The following ETV1 variants were observed in gnomAD, a reference collection of about 807,000 sequenced individuals.
ETV1 encodes the protein ETS variant transcription factor 1, also known as ETS translocation variant 1.
Under a neutral mutation model 62.3 loss-of-function variants are expected in ETV1, and 27 were observed. That is an observed-to-expected ratio of 0.43 (90% CI 0.32 to 0.60). The LOEUF (loss-of-function observed/expected upper bound fraction) is 0.60. ETV1 is among the 20% of genes least tolerant of loss of function. The probability of loss-of-function intolerance (pLI) is 0.06; values close to 1 mark genes in which losing one functional copy is unlikely to be tolerated. For missense variants in ETV1, 605 were observed against 605.8 expected, an observed-to-expected ratio of 1.00 and a Z score of 0.01; for synonymous variants, 222 against 199.6, an observed-to-expected ratio of 1.11 and a Z score of -0.94.
At chr7:13,944,407 A>G (rs1220677845) in intron 6 of ETV1, among the ~76,000 whole-genome samples, 1 of 152,184 alleles carries the variant, frequency 6.6e-6, no homozygotes, top group Non-Finnish European at 1.5e-5. Context: ...AGAAATCACA[A>G]GTGAGCTCCC....
intron 5 of ETV1, among the ~76,000 whole-genome samples, 197 bp from the exon 6 acceptor site, chr7:13,977,677 CTAGGAACCATATATATGTCAGAAA>C (rs1781589498): frequency 6.6e-6 from 1 of 152,072 alleles, no homozygotes; most frequent in Non-Finnish European, 1.5e-5. Flanking sequence ...TTGATGTCAC[CTAGGAACCATATATATGTCAGAAA>C]TAGGATGATG....
At chr7:13,919,985 G>T (rs1203608129) in intron 9 of ETV1, among the ~76,000 whole-genome samples, 1 of 152,018 alleles carries the variant, frequency 6.6e-6, no homozygotes, top group African/African-American at 2.4e-5. Flanking sequence ...AAAAACAGTT[G>T]TATGTTCACT....
chr7:13,936,757 T>C (rs1193844409), intron 7 of ETV1, among the ~76,000 whole-genome samples: 1 of 152,170 alleles, frequency 6.6e-6, no homozygotes, highest in Non-Finnish European at 1.5e-5. Flanking sequence ...TGTATTTCAT[T>C]TTGCTGGGCG....
intron 13 of ETV1, among the ~76,000 whole-genome samples, chr7:13,898,730 T>C (rs556096946): frequency 6.6e-6 from 1 of 152,346 alleles, no homozygotes; most frequent in African/African-American, 2.4e-5. Context: ...TCCTACATGT[T>C]AAAATATATA....
rs1317933916 is a variant in ETV1 at position 13,989,298 on chromosome 7, AATTTAC to A, written c.-124_-119del. 21 of 493,702 alleles carry A rather than the reference AATTTAC, an allele frequency of 4.3e-5. 1 individual carries two copies. The highest frequency in any genetic ancestry group is 5.1e-4 in the Middle Eastern group (1 of 1,954). The allele number at this position is 493,702 out of a possible 1,614,324, so 30.6% of individuals were successfully genotyped here. A position where few individuals can be genotyped will look rare whatever the true frequency, so the allele number is the denominator to read the frequency against. On this transcript the variant is annotated 5_prime_UTR_variant, in exon 2 of 14. An upstream start codon of the reference 5' UTR is lost. Transcript: ENST00000430479. ...TCCAAAGAGAGCCAACAGAGTTCAC[AATTTAC>A]ATATTTTCGGTAGTAGCAAAAATCC...
chr7:13,901,822 C>T (rs1254209046), intron 12 of ETV1, among the ~76,000 whole-genome samples: 1 of 152,038 alleles, frequency 6.6e-6, no homozygotes, highest in Non-Finnish European at 1.5e-5. Flanking sequence ...TATGAGTCCA[C>T]AAACAAAAAT....
chr7:13,947,965 C>G, intron 6 of ETV1, among the ~76,000 whole-genome samples: 1 of 152,114 alleles, frequency 6.6e-6, no homozygotes, highest in Non-Finnish European at 1.5e-5. Context: ...GACTAATTCA[C>G]GTGTGTCAGA....
chr7:13,989,520 G>A (rs909716758), intron 1 of ETV1, 43 bp downstream of exon 1: 16 of 399,542 alleles, frequency 4.0e-5, no homozygotes, highest in Admixed American at 1.8e-4. Context: ...CCACAACCAT[G>A]CAATTATCTG....
chr7:13,945,724 G>GTATT (rs1208174824), intron 6 of ETV1, among the ~76,000 whole-genome samples: 1 of 152,148 alleles, frequency 6.6e-6, no homozygotes, highest in Admixed American at 6.5e-5. Context: ...AACGTGTTGG[G>GTATT]TATTTCATCA....
At position 13,935,800 on chromosome 7, in the gene ETV1, G is replaced by C. The variant is rs370603971; in HGVS notation, c.462C>G (p.Asn154Lys). The change falls in exon 8 of 14, where the codon AAC (asparagine) becomes AAG (lysine). Residue 154 changes from asparagine (N) to lysine (K), a missense_variant. Physicochemically the swap from Asn to Lys is moderately conservative, Grantham distance 94. Transcript: ENST00000430479. ...PVSPLHHASP[N>K]STHTPKPDRA... ...GGTCAGGTTTCGGTGTATGAGTTGA[G>C]TTTGGAGATGCATGATGCAGTGGGG... 67 of 1,613,886 alleles carry C rather than the reference G, an allele frequency of 4.2e-5. No homozygotes were observed. Among genetic ancestry groups the C allele is most frequent in the Non-Finnish European group, 5.5e-5 (65 of 1,179,884 alleles).
chr7:13,934,820 A>G (rs898905121), intron 8 of ETV1, among the ~76,000 whole-genome samples: 3 of 152,170 alleles, frequency 2.0e-5, no homozygotes, highest in African/African-American at 4.8e-5. Context: ...GTAGTGGGCC[A>G]TGAAAGCAAT....
intron 5 of ETV1, 81 bp from the exon 6 acceptor site, chr7:13,977,561 G>C: frequency 1.1e-6 from 1 of 938,782 alleles, no homozygotes; most frequent in Non-Finnish European, 1.7e-6. Flanking sequence ...AATCTGTCAA[G>C]TAAGATCTTC....
upstream of ETV1, chr7:13,989,791 T>A (rs1029658251): frequency 1.0e-5 from 4 of 393,648 alleles, no homozygotes. Context: ...GGGCTGTCAA[T>A]CAGGCGGCTT....
At chr7:13,948,443 CTT>C (rs910280676) in intron 6 of ETV1, among the ~76,000 whole-genome samples, 2 of 152,102 alleles carry the variant, frequency 1.3e-5, no homozygotes, top group African/African-American at 4.8e-5. Flanking sequence ...AAGACAGTCT[CTT>C]TATTTTGAGG....
chr7:13,988,262 A>G (rs954084330), intron 3 of ETV1, 89 bp from the exon 4 acceptor site: 4 of 771,756 alleles, frequency 5.2e-6, no homozygotes, highest in African/African-American at 1.7e-5. Flanking sequence ...ACACACAGAC[A>G]TGCATACATA....
Position 13,913,878 on chromosome 7 carries a change from C to CTTTTT in ETV1, c.803-2576_803-2572dup, listed in dbSNP as rs544899107. Reference sequence around the variant, plus strand: ...ATGCTTTAACTATTTGGGGGTACCTCTTTTTTTTTTTTTTTTTTTTTTTTG... The same window carrying CTTTTT: ...ATGCTTTAACTATTTGGGGGTACCTCTTTTTTTTTTTTTTTTTTTTTTTTTTTTTG... On this transcript the variant is annotated intron_variant, in intron 9 of 13. Transcript: ENST00000430479. Among the ~76,000 whole-genome samples, 320 of 87,972 alleles carry CTTTTT rather than the reference C, an allele frequency of 3.6e-3. 9 individuals are homozygous for CTTTTT. Among genetic ancestry groups the CTTTTT allele is most frequent in the Non-Finnish European group, 5.1e-3 (247 of 48,358 alleles). 57.7% of individuals were successfully genotyped at this position (87,972 alleles called of 152,430 possible).
Position 13,892,920 on chromosome 7 carries a change from C to T in ETV1, c.*2946G>A, listed in dbSNP as rs957487521. On this transcript the variant is annotated 3_prime_UTR_variant, in exon 14 of 14. Transcript: ENST00000430479. ...TTCTTTTGAACTTCTGCCTCCAGAA[C>T]TATAAGATAAATTTGTGTAAATTAC... 4.3e-6 allele frequency: 1 copy of T among 231,784 alleles called. No individual in the cohort carries two copies. Among genetic ancestry groups the T allele is most frequent in the Non-Finnish European group, 8.5e-6 (1 of 117,320 alleles). 14.4% of individuals were successfully genotyped at this position (231,784 alleles called of 1,614,324 possible). A position where few individuals can be genotyped will look rare whatever the true frequency, so the allele number is the denominator to read the frequency against.
intron 11 of ETV1, among the ~76,000 whole-genome samples, chr7:13,909,245 G>A (rs150051974): frequency 5.3e-5 from 8 of 151,954 alleles, no homozygotes; most frequent in Non-Finnish European, 1.0e-4. Flanking sequence ...GAGAGGCCGC[G>A]TTAGTCATCG....
chr7:13,908,589 T>A (rs1469175088), intron 11 of ETV1, among the ~76,000 whole-genome samples: 1 of 150,388 alleles, frequency 6.6e-6, no homozygotes, highest in African/African-American at 2.4e-5. Context: ...ATTCCTATAA[T>A]TTTTTTTTTG....
Sources: allele counts gnomAD v4.1 joint callset (sites outside exome capture counted in the v4.1 genomes callset), GRCh38; gene constraint gnomAD v4.1.1; transcripts MANE v1.5; gene names NCBI Gene and HGNC (gene_info 2026-07-23, HGNC 2026-07-21).